The following MED13 variants were observed in gnomAD, a reference collection of about 807,000 sequenced individuals.
The protein encoded by MED13 is mediator complex subunit 13.
A neutral mutation model predicts 225.2 loss-of-function variants in MED13; 23 were observed. The ratio of observed to expected loss-of-function variants is 0.10; its 90% confidence interval spans 0.07 to 0.14. The LOEUF is 0.14. MED13 is among the 10% of genes least tolerant of loss of function. The pLI is 1.00. For synonymous variants in MED13, 942 were observed against 889.2 expected (o/e 1.06, Z -1.06); for missense variants, 2,197 against 2,594.5 (o/e 0.85, Z 3.33).
intron 8 of MED13, among the ~76,000 whole-genome samples, chr17:62,018,517 C>A (rs986134829): frequency 6.6e-6 from 1 of 152,006 alleles, no homozygotes; most frequent in Non-Finnish European, 1.5e-5. Flanking sequence ...CCAGGCTGGC[C>A]AACATGGTGA....
At chr17:62,012,507 T>A (rs2080520902) in intron 8 of MED13, among the ~76,000 whole-genome samples, 1 of 151,456 alleles carries the variant, frequency 6.6e-6, no homozygotes, top group Non-Finnish European at 1.5e-5. Context: ...ATTTTGCATT[T>A]TTAGTAGAGA....
At chr17:61,946,664 T>A in intron 29 of MED13, 64 bp from the exon 30 acceptor site, 1 of 1,581,024 alleles carries the variant, frequency 6.3e-7, no homozygotes, top group Non-Finnish European at 8.6e-7. Flanking sequence ...GGAAGCAGTT[T>A]TCAATTATGG....
intron 3 of MED13, among the ~76,000 whole-genome samples, chr17:62,037,829 C>A (rs2080817850): frequency 6.6e-6 from 1 of 151,590 alleles, no homozygotes; most frequent in African/African-American, 2.4e-5. Flanking sequence ...GTGGCACACA[C>A]CTGTAATCCC....
intron 8 of MED13, among the ~76,000 whole-genome samples, chr17:62,021,829 T>A (rs2080650962): frequency 6.6e-6 from 1 of 152,110 alleles, no homozygotes; most frequent in Non-Finnish European, 1.5e-5. Flanking sequence ...ACCCACCTAG[T>A]TTATTTCCTT....
rs1423666931 is a variant in MED13 at position 61,953,011 on chromosome 17, A to G, written c.6071T>C (p.Val2024Ala). The change falls in exon 27 of 30, where the codon GTA becomes GCA. Residue 2024 changes from valine to alanine, a missense_variant. Around this residue, in one of 12 missense-constraint regions of MED13, gnomAD observed 216 missense variants for 388.9 expected, o/e 0.56. Transcript: ENST00000397786. Reference protein sequence around the residue: ...ILPASPTGSPVHSPGSHYPHG... With the variant: ...ILPASPTGSPAHSPGSHYPHG... ...GGGGTAATGAGATCCTGGAGAATGT[A>G]CAGGAGAACCAGTTGGAGAAGCAGG... 1.2e-6 allele frequency: 2 copies of G among 1,613,874 alleles called. No homozygotes were observed. Among genetic ancestry groups the G allele is most frequent in the African/African-American group, 2.7e-5 (2 of 74,932 alleles).
At chr17:62,017,042 AAAT>A (rs2143621597) in intron 8 of MED13, among the ~76,000 whole-genome samples, 1 of 150,774 alleles carries the variant, frequency 6.6e-6, no homozygotes, top group African/African-American at 2.4e-5. Context: ...ATAAATAAAT[AAAT>A]AAATAAAGTA....
chr17:61,987,114 T>C lies in MED13; in HGVS notation c.2278A>G (p.Thr760Ala), dbSNP rs748380884. The C allele has an allele frequency of 1.2e-5, 19 of 1,607,206 alleles. 1 individual carries two copies. Among genetic ancestry groups the C allele is most frequent in the Admixed American group, 1.0e-4 (6 of 59,024 alleles). The change falls in exon 12 of 30, where the codon ACT (threonine) becomes GCT (alanine). Residue 760 changes from threonine to alanine, a missense_variant. Thr to Ala is a moderately conservative substitution (Grantham distance 58). Around this residue, in one of 12 missense-constraint regions of MED13, gnomAD observed 884 missense variants for 918.5 expected, o/e 0.96. Coordinates refer to ENST00000397786, the MANE Select transcript of MED13 (RefSeq NM_005121.3). ...GTTGATGGAGGACGGGCATGACTAGTAGGGCGTGGAGCATCTACAAAAGTC... is the reference window on the plus strand; with the variant it reads ...GTTGATGGAGGACGGGCATGACTAGCAGGGCGTGGAGCATCTACAAAAGTC... ...PSIKQDAPRP[T>A]SHARPPSTSL...
At chr17:62,032,926 G>A (rs2080770414) in intron 5 of MED13, among the ~76,000 whole-genome samples, 2 of 152,162 alleles carry the variant, frequency 1.3e-5, no homozygotes, top group African/African-American at 4.8e-5. Context: ...AAGGTAGGTG[G>A]ATCACTTGAG....
intron 9 of MED13, chr17:62,003,599 C>CAAAAAAAAAAAAAAAAAAAAAACAA (rs34451831): frequency 1.9e-5 from 1 of 51,744 alleles, no homozygotes; most frequent in Non-Finnish European, 3.3e-5. Context: ...CAGCAAAACT[C>CAAAAAAAAAAAAAAAAAAAAAACAA]AAAAAAAAAA....
Position 61,955,855 on chromosome 17 carries a change from TAAAAAAAAAAAA to T in MED13, c.5624-29_5624-18del, listed in dbSNP as rs61326861. ...AGCTCCAATCTGTGGGTATCAACAG[TAAAAAAAAAAAA>T]AAAAAAAAAAAAAATCAAAGTAACA... On this transcript the variant is annotated intron_variant, in intron 24 of 29. Transcript: ENST00000397786. 1.5e-5 allele frequency: 12 copies of T among 815,128 alleles called. No individual in the cohort carries two copies. The highest frequency in any genetic ancestry group is 9.1e-5 in the South Asian group (2 of 21,972). 50.5% of individuals were successfully genotyped at this position (815,128 alleles called of 1,614,324 possible). A position where few individuals can be genotyped will look rare whatever the true frequency, so the allele number is the denominator to read the frequency against.
At chr17:62,051,309 A>G (rs956875766) in intron 3 of MED13, among the ~76,000 whole-genome samples, 2 of 152,196 alleles carry the variant, frequency 1.3e-5, no homozygotes, top group Non-Finnish European at 2.9e-5. Context: ...CTGGAGGTGC[A>G]ACACACGGGA....
At chr17:62,023,257 A>T (rs2080667235) in intron 8 of MED13, among the ~76,000 whole-genome samples, 1 of 152,200 alleles carries the variant, frequency 6.6e-6, no homozygotes, top group Admixed American at 6.5e-5. Context: ...AGCCAATGTT[A>T]TCAGGCAGGG....
chr17:61,964,899 G>A, intron 20 of MED13, 107 bp downstream of exon 20: 2 of 1,055,972 alleles, frequency 1.9e-6, no homozygotes, highest in South Asian at 3.3e-5. Context: ...TCCCACCACT[G>A]CAGTACAGCC....
At chr17:62,015,844 C>CTA (rs1227615623) in intron 8 of MED13, among the ~76,000 whole-genome samples, 5 of 109,096 alleles carry the variant, frequency 4.6e-5, no homozygotes, top group African/African-American at 7.0e-5. Context: ...TACACACACA[C>CTA]TATATATATG....
chr17:62,003,330 G>A (rs142851584), intron 9 of MED13, among the ~76,000 whole-genome samples: 25 of 152,158 alleles, frequency 1.6e-4, no homozygotes, highest in African/African-American at 5.8e-4. Context: ...TTGTGGCCAG[G>A]TGCAGTGCCT....
intron 1 of MED13, among the ~76,000 whole-genome samples, chr17:62,063,514 C>T (rs1454868189): frequency 1.3e-5 from 2 of 152,152 alleles, no homozygotes; most frequent in Non-Finnish European, 2.9e-5. Context: ...CACCATGTCA[C>T]TGAATAGCAA....
rs776068725 is a variant in MED13, at chr17:61,955,761, T to C, written c.5701A>G (p.Ile1901Val). ...ATGCTAGGGGAGTCTGCAGCAGATATACCACACATTCTACACATGTCTTTG... is the reference window on the plus strand; with the variant it reads ...ATGCTAGGGGAGTCTGCAGCAGATACACCACACATTCTACACATGTCTTTG... ...RLKDMCRMCG[I>V]SAADSPSILS... Residue 1901 changes from isoleucine to valine, a missense_variant, in exon 25 of 30, where the codon ATA (isoleucine) becomes GTA (valine). Ile to Val is a conservative substitution (Grantham distance 29). This residue lies in a region of MED13 where 216 missense variants were observed against 388.9 expected (regional missense o/e 0.56). Coordinates refer to ENST00000397786, the MANE Select transcript of MED13 (RefSeq NM_005121.3). 4 of 1,608,716 alleles carry C rather than the reference T, an allele frequency of 2.5e-6. No homozygotes were observed. The highest frequency in any genetic ancestry group is 3.4e-6 in the Non-Finnish European group (4 of 1,179,264).
chr17:62,038,600 T>C (rs1190924040), intron 3 of MED13, among the ~76,000 whole-genome samples: 1 of 152,170 alleles, frequency 6.6e-6, no homozygotes, highest in Non-Finnish European at 1.5e-5. Context: ...ATAAGTTTAC[T>C]CTAGTATGTA....
intron 8 of MED13, among the ~76,000 whole-genome samples, chr17:62,015,573 A>C (rs1428690597): frequency 6.6e-6 from 1 of 151,378 alleles, no homozygotes; most frequent in Middle Eastern, 3.2e-3. Context: ...TTGAACTTTT[A>C]ATTTTATTTA....
Sources: allele counts gnomAD v4.1 joint callset (sites outside exome capture counted in the v4.1 genomes callset), GRCh38; gene constraint gnomAD v4.1.1; regional missense constraint gnomAD v4.1.1; transcripts MANE v1.5; gene names NCBI Gene and HGNC (gene_info 2026-07-23, HGNC 2026-07-21).